GALNTL6: variants seen among roughly 807,000 people sequenced by gnomAD.
GALNTL6 encodes the protein polypeptide N-acetylgalactosaminyltransferase-like 6.
A neutral mutation model predicts 73.7 loss-of-function variants in GALNTL6; 46 were observed. The ratio of observed to expected loss-of-function variants is 0.62; its 90% CI spans 0.49 to 0.80. The LOEUF (loss-of-function observed/expected upper bound fraction) is 0.80, where lower values mean the gene tolerates loss of function less well. Ranked by LOEUF, GALNTL6 falls within the 30% of genes least tolerant of loss-of-function variation. The pLI is 0.00. For missense variants in GALNTL6, 604 were observed against 755.0 expected (o/e 0.80, Z 2.34); for synonymous variants, 259 against 263.7 (o/e 0.98, Z 0.17).
In GALNTL6 at chr4:172,805,407, A is replaced by G. The variant is rs563415623; in HGVS notation, c.554-3954A>G. ...AACATGATGTCAAAATTTCATTGGA[A>G]TACAACTTTTTATCTCATTATTCCC... On this transcript the variant is annotated intron_variant, in intron 5 of 12. Transcript: ENST00000506823. 7.9e-5 allele frequency among the ~76,000 whole-genome samples: 12 copies of G among 152,304 alleles called. No individual in the cohort carries two copies. The South Asian group carries it at 2.3e-3, about 29-fold the overall frequency.
intron 5 of GALNTL6, among the ~76,000 whole-genome samples, chr4:172,789,977 TA>T (rs1204724143): frequency 6.6e-6 from 1 of 152,180 alleles, no homozygotes; most frequent in Non-Finnish European, 1.5e-5. Context: ...GCTATGGAAA[TA>T]AAAATGAATA....
chr4:172,851,171 T>C (rs1743794490), intron 7 of GALNTL6, among the ~76,000 whole-genome samples: 1 of 152,086 alleles, frequency 6.6e-6, no homozygotes, highest in African/African-American at 2.4e-5. Context: ...AACAAAGGAA[T>C]CTACTATCAC....
intron 5 of GALNTL6, among the ~76,000 whole-genome samples, chr4:172,760,749 C>T (rs1305964102): frequency 6.6e-6 from 1 of 152,074 alleles, no homozygotes; most frequent in Non-Finnish European, 1.5e-5. Context: ...CTAGGAGGAC[C>T]CTGATCCCTC....
At chr4:172,640,438 T>C (rs1739919235) in intron 5 of GALNTL6, among the ~76,000 whole-genome samples, 1 of 152,126 alleles carries the variant, frequency 6.6e-6, no homozygotes, top group Non-Finnish European at 1.5e-5. Flanking sequence ...GGTATATTAG[T>C]CGGCTTGGGC....
chr4:172,122,343 C>T (rs760405749), intron 2 of GALNTL6, among the ~76,000 whole-genome samples: 4 of 151,772 alleles, frequency 2.6e-5, no homozygotes, highest in Non-Finnish European at 5.9e-5. Context: ...GAGTCTTGTT[C>T]CAATGTCTTG....
chr4:172,118,424 G>A (rs896255636), intron 2 of GALNTL6, among the ~76,000 whole-genome samples: 22 of 152,092 alleles, frequency 1.4e-4, no homozygotes, highest in Non-Finnish European at 3.1e-4. Context: ...GAGGGGCCCG[G>A]TGCAGTGGCT....
intron 5 of GALNTL6, among the ~76,000 whole-genome samples, chr4:172,420,380 T>C (rs918312358): frequency 6.6e-6 from 1 of 152,218 alleles, no homozygotes; most frequent in Non-Finnish European, 1.5e-5. Context: ...AGATGTTATT[T>C]GTAATTGCTT....
chr4:172,038,991 G>A (rs1361952505), intron 2 of GALNTL6, among the ~76,000 whole-genome samples: 3 of 152,100 alleles, frequency 2.0e-5, no homozygotes. Flanking sequence ...ATGCCACTGG[G>A]CTTGGTTATA....
chr4:172,115,110 T>C (rs1167062529), intron 2 of GALNTL6, among the ~76,000 whole-genome samples: 1 of 152,146 alleles, frequency 6.6e-6, no homozygotes, highest in Non-Finnish European at 1.5e-5. Context: ...TACTATCATT[T>C]ATTCTTCTTC....
chr4:172,313,594 TAATG>T (rs994676603), intron 4 of GALNTL6, among the ~76,000 whole-genome samples: 29 of 152,144 alleles, frequency 1.9e-4, no homozygotes, highest in African/African-American at 6.7e-4. Flanking sequence ...TCTTATGTAA[TAATG>T]GGAAAAAAAT....
chr4:171,958,846 T>C (rs1346564131), intron 2 of GALNTL6, among the ~76,000 whole-genome samples: 1 of 152,142 alleles, frequency 6.6e-6, no homozygotes, highest in Admixed American at 6.6e-5. Context: ...TTATATTCAG[T>C]TTTTAAAAGA....
At chr4:172,488,507 G>A (rs572318738) in intron 5 of GALNTL6, among the ~76,000 whole-genome samples, 3 of 152,230 alleles carry the variant, frequency 2.0e-5, no homozygotes, top group Admixed American at 6.5e-5. Context: ...CCATGACCTC[G>A]CTTCATACTG....
At position 171,951,887 on chromosome 4, in the gene GALNTL6, A is replaced by G. The variant is rs532250045; in HGVS notation, c.138+137169A>G. Among the ~76,000 whole-genome samples, 12 of 152,144 alleles carry G rather than the reference A, an allele frequency of 7.9e-5. No individual in the cohort carries two copies. In the East Asian group the frequency reaches 2.3e-3, roughly 29 times the overall value. On this transcript the variant is annotated intron_variant, in intron 2 of 12. Coordinates refer to ENST00000506823, the MANE Select transcript of GALNTL6 (RefSeq NM_001034845.3). ...ATTTAGAAGCTAGTTTGTAACCTGA[A>G]CTCTTACAGAAATAAGTAGCACATT... is the stretch of plus-strand genomic sequence containing the variant.
intron 12 of GALNTL6, among the ~76,000 whole-genome samples, chr4:173,039,693 A>C (rs1413590887): frequency 2.0e-5 from 3 of 152,194 alleles, no homozygotes; most frequent in Non-Finnish European, 4.4e-5. Context: ...TGAATGAATA[A>C]ATACATTTAT....
chr4:172,944,136 T>C (rs1435417623), intron 9 of GALNTL6, among the ~76,000 whole-genome samples: 1 of 152,172 alleles, frequency 6.6e-6, no homozygotes, highest in Non-Finnish European at 1.5e-5. Context: ...TTGAACTTCA[T>C]TGAAATTAAA....
intron 5 of GALNTL6, among the ~76,000 whole-genome samples, chr4:172,751,927 GC>G: frequency 6.6e-6 from 1 of 151,808 alleles, no homozygotes; most frequent in Admixed American, 6.6e-5. Flanking sequence ...TCATGACCCT[GC>G]AAGAACTCTT....
intron 2 of GALNTL6, among the ~76,000 whole-genome samples, chr4:172,073,836 T>C (rs901081896): frequency 1.3e-5 from 2 of 152,130 alleles, no homozygotes; most frequent in African/African-American, 4.8e-5. Flanking sequence ...GAGGGGACAA[T>C]AACTACTGGG....
chr4:172,099,557 T>C (rs1732454297), intron 2 of GALNTL6, among the ~76,000 whole-genome samples: 1 of 152,168 alleles, frequency 6.6e-6, no homozygotes, highest in South Asian at 2.1e-4. Context: ...CACGAGTTTC[T>C]GTCATTCCAG....
intron 2 of GALNTL6, among the ~76,000 whole-genome samples, chr4:171,844,628 C>T (rs1009046061): frequency 6.6e-6 from 1 of 152,094 alleles, no homozygotes; most frequent in South Asian, 2.1e-4. Context: ...GCAGATATGA[C>T]CAGAGCACTT....
Sources: gnomAD v4.1 joint callset for allele counts (sites outside exome capture counted in the v4.1 genomes callset) on GRCh38, gnomAD v4.1.1 for gene constraint, MANE v1.5 for transcripts, NCBI Gene and HGNC (gene_info 2026-07-23, HGNC 2026-07-21) for gene names.